Variants in CNGA3 observed in about 807,000 individuals in gnomAD.
CNGA3 encodes cyclic nucleotide-gated channel alpha-3.
A neutral mutation model predicts 46.6 loss-of-function variants in CNGA3; 42 were observed. That is an observed-to-expected ratio of 0.90 (90% CI 0.70 to 1.17). CNGA3 has a LOEUF of 1.17. Ranked by LOEUF, CNGA3 falls within the 50% of genes most tolerant of loss-of-function variation. The probability of loss-of-function intolerance (pLI) is 0.00; values close to 1 mark genes in which losing one functional copy is unlikely to be tolerated. For synonymous variants in CNGA3, 394 were observed against 369.4 expected, an observed-to-expected ratio of 1.07 and a Z score of -0.76; for missense variants, 893 against 890.7, an observed-to-expected ratio of 1.00 and a Z score of -0.03.
chr2:98,397,433 C>A lies in CNGA3; in HGVS notation c.*178C>A. 1.5e-6 allele frequency: 1 copy of A among 684,030 alleles called. No homozygotes were observed. Among genetic ancestry groups the A allele is most frequent in the Non-Finnish European group, 2.5e-6 (1 of 396,760 alleles). The allele number at this position is 684,030 out of a possible 1,614,324, so 42.4% of individuals were successfully genotyped here. A position where few individuals can be genotyped will look rare whatever the true frequency, so the allele number is the denominator to read the frequency against. On this transcript the variant is annotated 3_prime_UTR_variant, in exon 8 of 8. Transcript: ENST00000272602. ...ACCTAAAAAATGGGACTTTTTGTCT[C>A]AGTCCCAGTGAAGTGCCAGGTTTGA... is the stretch of plus-strand genomic sequence containing the variant.
chr2:98,349,170 G>T (rs568525693), intron 1 of CNGA3, among the ~76,000 whole-genome samples: 2 of 152,134 alleles, frequency 1.3e-5, no homozygotes, highest in East Asian at 3.9e-4. Context: ...GCCAGAACCC[G>T]TCACTCAGCC....
At chr2:98,350,495 C>A (rs143141925) in intron 1 of CNGA3, among the ~76,000 whole-genome samples, 1 of 152,354 alleles carries the variant, frequency 6.6e-6, no homozygotes, top group Non-Finnish European at 1.5e-5. Context: ...GTTTCCCCAG[C>A]TCTGGTAAGG....
At chr2:98,379,976 A>G in intron 3 of CNGA3, 199 bp from the exon 4 acceptor site, 2 of 636,662 alleles carry the variant, frequency 3.1e-6, no homozygotes, top group East Asian at 5.5e-5. Flanking sequence ...GAAGGGGATA[A>G]ACGGTCCCCA....
chr2:98,348,876 G>T (rs1691707105), intron 1 of CNGA3, among the ~76,000 whole-genome samples: 1 of 152,160 alleles, frequency 6.6e-6, no homozygotes, highest in African/African-American at 2.4e-5. Context: ...GGGTGTAAAT[G>T]GAGGTGATAA....
At chr2:98,387,607 A>G (rs55750799) in intron 5 of CNGA3, among the ~76,000 whole-genome samples, 439 of 152,356 alleles carry the variant, frequency 2.9e-3, no homozygotes, top group Non-Finnish European at 4.8e-3. Flanking sequence ...AAAAACCTGC[A>G]GTCACAGGAC....
At chr2:98,377,040 A>G (rs1250047818) in intron 2 of CNGA3, among the ~76,000 whole-genome samples, 2 of 152,186 alleles carry the variant, frequency 1.3e-5, no homozygotes, top group East Asian at 1.9e-4. Flanking sequence ...GAGAGCCTAG[A>G]GTTTGGCAAA....
chr2:98,371,434 A>G (rs554088861), intron 2 of CNGA3, among the ~76,000 whole-genome samples: 61 of 152,232 alleles, frequency 4.0e-4, no homozygotes, highest in African/African-American at 1.4e-3. Context: ...CTAATAAGTG[A>G]TGGTCAATAA....
rs373498140 is a variant in CNGA3 at position 98,352,305 on chromosome 2, G to A, written c.-38+5771G>A. Among the ~76,000 whole-genome samples, 140 of 152,110 alleles carry A rather than the reference G, an allele frequency of 9.2e-4. 1 individual carries two copies. The highest frequency in any genetic ancestry group is 5.8e-3 in the Admixed American group (88 of 15,288). On this transcript the variant is annotated intron_variant, in intron 1 of 7. Transcript: ENST00000272602. The stretch of plus-strand genomic sequence containing the variant: ...GGATAGGCCCTAATAAATGATTGTC[G>A]TTTCCACTTAGGGCTACTGTAAATA...
At chr2:98,388,461 G>A (rs1692709495) in intron 5 of CNGA3, among the ~76,000 whole-genome samples, 1 of 152,212 alleles carries the variant, frequency 6.6e-6, no homozygotes, top group South Asian at 2.1e-4. Context: ...CGGCCCTGGA[G>A]GGGAGAGGGT....
chr2:98,347,086 T>C (rs1691649500), intron 1 of CNGA3: 2 of 152,198 alleles, frequency 1.3e-5, no homozygotes, highest in Admixed American at 1.3e-4. Flanking sequence ...GTTGAGTCAG[T>C]GGCCTGGAGG....
intron 1 of CNGA3, among the ~76,000 whole-genome samples, chr2:98,356,870 T>G (rs1026665203): frequency 6.6e-6 from 1 of 152,206 alleles, no homozygotes; most frequent in African/African-American, 2.4e-5. Flanking sequence ...ATGTTTGCTC[T>G]CTCATAAATT....
At chr2:98,374,731 A>G (rs1421153258) in intron 2 of CNGA3, among the ~76,000 whole-genome samples, 2 of 152,324 alleles carry the variant, frequency 1.3e-5, no homozygotes, top group East Asian at 1.9e-4. Context: ...ACCCCCAGGC[A>G]TTTAATATGG....
rs34314205 is a variant in CNGA3 at position 98,389,666 on chromosome 2, C to A, written c.458C>A (p.Thr153Lys). Residue 153 changes from threonine to lysine, a missense_variant, in exon 6 of 8, where the codon ACG becomes AAG. Coordinates refer to ENST00000272602, the MANE Select transcript of CNGA3 (RefSeq NM_001298.3). ...TSNNTEEEKK[T>K]KKKDAIVVDP... ...TATGTGTGGGTTTCCAGGAAGAAGA[C>A]GAAAAAGAAGGATGCGATCGTGGTG... is the stretch of plus-strand genomic sequence containing the variant. 6.2e-7 allele frequency: 1 copy of A among 1,613,814 alleles called. No homozygotes were observed.
chr2:98,348,194 G>A (rs756780361), intron 1 of CNGA3, among the ~76,000 whole-genome samples: 3 of 152,150 alleles, frequency 2.0e-5, no homozygotes, highest in Non-Finnish European at 4.4e-5. Flanking sequence ...CCTCGGTTCA[G>A]CCACAGAGAG....
chr2:98,367,247 T>C (rs1692183834), intron 1 of CNGA3, among the ~76,000 whole-genome samples: 1 of 142,662 alleles, frequency 7.0e-6, no homozygotes, highest in African/African-American at 2.6e-5. Context: ...AGGGCAGGAG[T>C]GCAGTGGCGC....
intron 6 of CNGA3, among the ~76,000 whole-genome samples, chr2:98,390,865 G>A (rs1254399613): frequency 1.3e-5 from 2 of 152,238 alleles, no homozygotes; most frequent in Admixed American, 6.5e-5. Flanking sequence ...CAAGTGTGCA[G>A]GACAGGTGTG....
intron 1 of CNGA3, among the ~76,000 whole-genome samples, chr2:98,362,867 T>C (rs1360312828): frequency 1.3e-5 from 2 of 152,238 alleles, no homozygotes; most frequent in Non-Finnish European, 2.9e-5. Flanking sequence ...ATTTTCTGCA[T>C]ATGGCTAGCC....
Position 98,380,274 on chromosome 2 carries a change from C to T in CNGA3, c.315C>T (p.Ala105=), listed in dbSNP as rs1428982141. ...CTTTTCCTGATCGTTTCCGTGGAGC[C>T]GAGCTTAAGGAGGTGTCCAGCCAAG... ...PDSFPDRFRG[A]ELKEVSSQES... The change falls in exon 4 of 8, where the codon GCC becomes GCT. Residue 105 remains alanine (A), a synonymous_variant. Transcript: ENST00000272602. The T allele has an allele frequency of 1.2e-5, 20 of 1,614,002 alleles. No individual in the cohort carries two copies. The highest frequency in any genetic ancestry group is 1.5e-5 in the Non-Finnish European group (18 of 1,180,034).
Position 98,396,628 on chromosome 2 carries a change from T to A in CNGA3, c.1458T>A (p.Cys486Ter), listed in dbSNP as rs1379110696. ...TLKKVRIFQD[C>*]EAGLLVELVL... ...AGAAGGTTCGCATCTTCCAGGACTG[T>A]GAGGCAGGGCTGCTGGTGGAGCTGG... The change falls in exon 8 of 8, where the codon TGT becomes TGA. Residue 486 changes from cysteine (C) to a stop codon, truncating the protein, a stop_gained. Coordinates refer to ENST00000272602, the MANE Select transcript of CNGA3 (RefSeq NM_001298.3). LOFTEE classifies it high-confidence loss of function. 1 of 1,613,902 alleles carries A rather than the reference T, an allele frequency of 6.2e-7. No individual in the cohort carries two copies. Among genetic ancestry groups the A allele is most frequent in the Non-Finnish European group, 8.5e-7 (1 of 1,179,956 alleles).
Sources: allele counts gnomAD v4.1 joint callset (sites outside exome capture counted in the v4.1 genomes callset), GRCh38; gene constraint gnomAD v4.1.1; transcripts MANE v1.5; gene names NCBI Gene and HGNC (gene_info 2026-07-23, HGNC 2026-07-21).